CEP170: variants seen among roughly 807,000 people sequenced by gnomAD.
The protein encoded by CEP170 is centrosomal protein 170.
In CEP170, 21 loss-of-function variants were observed where a neutral mutation model predicts 151.9. The ratio of observed to expected loss-of-function variants is 0.14; its 90% confidence interval spans 0.10 to 0.20. The LOEUF is 0.20. Ranked by LOEUF, CEP170 falls within the 10% of genes least tolerant of loss-of-function variation. The probability of loss-of-function intolerance (pLI) is 1.00; values close to 1 mark genes in which losing one functional copy is unlikely to be tolerated. For synonymous variants in CEP170, 356 were observed against 648.8 expected (o/e 0.55, Z 6.86); for missense variants, 964 against 1,892.9 (o/e 0.51, Z 9.11).
chr1:243,178,425 A>G (rs1354446556), intron 10 of CEP170, among the ~76,000 whole-genome samples: 1 of 151,916 alleles, frequency 6.6e-6, no homozygotes, highest in Non-Finnish European at 1.5e-5. Context: ...GACCACATAT[A>G]GTATGATTCC....
intron 1 of CEP170, among the ~76,000 whole-genome samples, chr1:243,254,686 C>T (rs1369607577): frequency 6.6e-6 from 1 of 150,916 alleles, no homozygotes; most frequent in Non-Finnish European, 1.5e-5. Flanking sequence ...GAGGGCTGCA[C>T]AAAGCCAGTC....
chr1:243,198,041 A>G (rs1164303146), intron 7 of CEP170, among the ~76,000 whole-genome samples: 4 of 152,090 alleles, frequency 2.6e-5, no homozygotes, highest in Non-Finnish European at 5.9e-5. Flanking sequence ...AAAATGTCCT[A>G]TTTATCTTGT....
Position 243,191,081 on chromosome 1 carries a change from T to C in CEP170, c.1045A>G (p.Arg349Gly), listed in dbSNP as rs906843079. Residue 349 changes from arginine to glycine, a missense_variant, in exon 8 of 20, where the codon AGA (arginine) becomes GGA (glycine). Coordinates refer to ENST00000366542, the MANE Select transcript of CEP170 (RefSeq NM_014812.3). ...QNNPPQMLWE[R>G]TEEDSKSIKS... ...ATGCTTTTAGAATCCTCTTCTGTTC[T>C]TTCCCATAGCATTTGAGGAGGGTTG... The C allele has an allele frequency of 6.2e-7, 1 of 1,612,684 alleles. No homozygotes were observed. Among genetic ancestry groups the C allele is most frequent in the East Asian group, 2.2e-5 (1 of 44,856 alleles).
chr1:243,231,385 C>G (rs1042308254), intron 1 of CEP170, among the ~76,000 whole-genome samples: 15 of 151,962 alleles, frequency 9.9e-5, no homozygotes, highest in Admixed American at 3.3e-4. Flanking sequence ...TTTAAAACCA[C>G]TGATAAAGGT....
intron 13 of CEP170, among the ~76,000 whole-genome samples, chr1:243,160,398 G>C (rs1310452369): frequency 2.0e-5 from 3 of 152,026 alleles, no homozygotes; most frequent in African/African-American, 7.2e-5. Flanking sequence ...TAGAGCTACA[G>C]CATTCATTAC....
At chr1:243,159,769 G>C (rs1272612419) in intron 13 of CEP170, among the ~76,000 whole-genome samples, 1 of 149,012 alleles carries the variant, frequency 6.7e-6, no homozygotes, top group African/African-American at 2.5e-5. Context: ...GGTTTTGTGT[G>C]TGTGTGTGTG....
intron 1 of CEP170, among the ~76,000 whole-genome samples, chr1:243,235,515 A>T (rs1424597218): frequency 1.3e-5 from 2 of 152,140 alleles, no homozygotes; most frequent in African/African-American, 4.8e-5. Flanking sequence ...TTACTGGGAA[A>T]ATTTCTGCTT....
At chr1:243,222,571 A>C (rs1400620286) in intron 2 of CEP170, among the ~76,000 whole-genome samples, 1 of 152,222 alleles carries the variant, frequency 6.6e-6, no homozygotes, top group East Asian at 1.9e-4. Context: ...GAACCAGTGA[A>C]TCTGAACTTG....
intron 7 of CEP170, 44 bp downstream of exon 7, chr1:243,199,016 C>T: frequency 9.8e-7 from 1 of 1,020,386 alleles, no homozygotes; most frequent in Non-Finnish European, 1.5e-6. Flanking sequence ...ACAGATACTT[C>T]CCAAAATATC....
chr1:243,251,498 T>C (rs1197787764), intron 1 of CEP170, among the ~76,000 whole-genome samples: 7 of 152,156 alleles, frequency 4.6e-5, no homozygotes, highest in African/African-American at 1.4e-4. Flanking sequence ...TGTGTAAAAA[T>C]AATACCTTAA....
intron 3 of CEP170, among the ~76,000 whole-genome samples, chr1:243,215,990 G>C (rs528040904): frequency 1.3e-5 from 2 of 151,422 alleles, no homozygotes; most frequent in Non-Finnish European, 2.9e-5. Flanking sequence ...TGAATTATCG[G>C]GGGTAGGTTC....
chr1:243,139,470 A>G (rs1317976288), intron 16 of CEP170, among the ~76,000 whole-genome samples: 1 of 151,688 alleles, frequency 6.6e-6, no homozygotes, highest in African/African-American at 2.4e-5. Flanking sequence ...CATAGGCTGT[A>G]TGTTTTGCAA....
chr1:243,183,985 T>C (rs999099759), intron 10 of CEP170, among the ~76,000 whole-genome samples: 3 of 152,194 alleles, frequency 2.0e-5, no homozygotes, highest in African/African-American at 7.2e-5. Context: ...TCTGCTGTCC[T>C]GGCCAAGCTA....
chr1:243,169,261 A>T (rs2058658710), intron 12 of CEP170: 1 of 158,616 alleles, frequency 6.3e-6, no homozygotes, highest in Admixed American at 6.5e-5. Flanking sequence ...CCTCGGAATG[A>T]AATATTAAAT....
At chr1:243,154,206 T>G (rs1157307846) in intron 14 of CEP170, among the ~76,000 whole-genome samples, 1 of 152,294 alleles carries the variant, frequency 6.6e-6, no homozygotes, top group African/African-American at 2.4e-5. Flanking sequence ...TGCTAAAGCA[T>G]AAAACATTTT....
intron 12 of CEP170, among the ~76,000 whole-genome samples, chr1:243,168,102 G>A (rs1189553483): frequency 3.3e-5 from 5 of 151,872 alleles, no homozygotes; most frequent in Non-Finnish European, 5.9e-5. Flanking sequence ...CTAGCCTTCT[G>A]TCTGGTTTCT....
Position 243,164,250 on chromosome 1 carries a change from T to G in CEP170, c.3676+34A>C. The G allele has an allele frequency of 2.1e-6, 3 of 1,445,374 alleles. No homozygotes were observed. The South Asian group carries it at 5.4e-5, about 26-fold the overall frequency. 89.5% of individuals were successfully genotyped at this position (1,445,374 alleles called of 1,614,324 possible). A position where few individuals can be genotyped will look rare whatever the true frequency, so the allele number is the denominator to read the frequency against. ...AAAAGGAGCCCCCAAATATACAACA[T>G]GCTAATGCTATTAGAAATCTGGATC... On this transcript the variant is annotated intron_variant, in intron 13 of 19. Coordinates refer to ENST00000366542, the MANE Select transcript of CEP170 (RefSeq NM_014812.3).
intron 4 of CEP170, 61 bp from the exon 5 acceptor site, chr1:243,200,896 A>T (rs1269630608): frequency 2.6e-6 from 4 of 1,551,684 alleles, no homozygotes; most frequent in Non-Finnish European, 3.5e-6. Flanking sequence ...AAAAATCGTC[A>T]TCAAATGTAA....
chr1:243,178,335 A>G (rs1048713098), intron 10 of CEP170, among the ~76,000 whole-genome samples: 1 of 150,082 alleles, frequency 6.7e-6, no homozygotes, highest in Non-Finnish European at 1.5e-5. Flanking sequence ...AAAAAAAAAA[A>G]GGAGTGAAGT....
Sources: allele counts gnomAD v4.1 joint callset (sites outside exome capture counted in the v4.1 genomes callset), GRCh38; gene constraint gnomAD v4.1.1; transcripts MANE v1.5; gene names NCBI Gene and HGNC (gene_info 2026-07-23, HGNC 2026-07-21).